The following NUTM2B variants were observed in gnomAD, a reference collection of about 807,000 sequenced individuals.
NUTM2B encodes family with sequence similarity 22, member B.
NUTM2B carries 2 observed loss-of-function variants against 42.4 expected under a neutral mutation model. The observed-to-expected ratio is 0.05, with a 90% CI of 0.02 to 0.15. The LOEUF (loss-of-function observed/expected upper bound fraction) is 0.15. Among genes scored for constraint, NUTM2B ranks in the 10% least tolerant of loss-of-function variants. NUTM2B has a pLI of 1.00. For missense variants in NUTM2B, 58 were observed against 952.6 expected (o/e 0.06, Z 12.36); for synonymous variants, 18 against 402.4 (o/e 0.04, Z 11.43).
At chr10:79,699,684 C>G (rs1378505326), upstream of NUTM2B, among the ~76,000 whole-genome samples, 1 of 152,166 alleles carries the variant, frequency 6.6e-6, no homozygotes, top group Non-Finnish European at 1.5e-5. Context: ...CTCAGGTGAT[C>G]CATCTGCCTC....
upstream of NUTM2B, among the ~76,000 whole-genome samples, chr10:79,702,768 TTTC>T (rs1450778704): frequency 6.7e-6 from 1 of 149,376 alleles, no homozygotes; most frequent in Non-Finnish European, 1.5e-5. Context: ...CTTTGACCAG[TTTC>T]TTCTAATACT....
chr10:79,702,559 T>C (rs1469803133), upstream of NUTM2B, among the ~76,000 whole-genome samples: 2 of 151,326 alleles, frequency 1.3e-5, no homozygotes. Context: ...AGTCCAAATG[T>C]CTTCAAAAGG....
chr10:79,698,855 TTAAC>T (rs200460953), upstream of NUTM2B, among the ~76,000 whole-genome samples: 4,313 of 151,742 alleles, frequency 0.028, 90 homozygotes, highest in Non-Finnish European at 0.043. Context: ...ATACCCGCGA[TTAAC>T]TAACACGCCA....
At chr10:79,702,442 G>A (rs1163713688), upstream of NUTM2B, among the ~76,000 whole-genome samples, 2 of 150,522 alleles carry the variant, frequency 1.3e-5, no homozygotes, top group Admixed American at 6.6e-5. Context: ...CACAACTGGG[G>A]CAGTGGGGGA....
At chr10:79,700,687 G>A (rs4079811), upstream of NUTM2B, among the ~76,000 whole-genome samples, 11 of 152,190 alleles carry the variant, frequency 7.2e-5, no homozygotes, top group South Asian at 1.4e-3. Flanking sequence ...AGCGAAGGCC[G>A]GTGGGTCACC....
the NUTM2B span, among the ~76,000 whole-genome samples, chr10:79,693,398 T>G: frequency 4.4e-4 from 67 of 152,338 alleles, no homozygotes; most frequent in Admixed American, 1.5e-3. Flanking sequence ...AGTCAGAGGC[T>G]TCTAAGGGGC....
chr10:79,694,018 T>G, the NUTM2B span, among the ~76,000 whole-genome samples: 1 of 152,172 alleles, frequency 6.6e-6, no homozygotes, highest in Non-Finnish European at 1.5e-5. Flanking sequence ...GGTCAGCAGG[T>G]GGACACCTCC....
upstream of NUTM2B, among the ~76,000 whole-genome samples, chr10:79,701,562 G>C (rs1199640833): frequency 6.6e-6 from 1 of 151,800 alleles, no homozygotes; most frequent in East Asian, 1.9e-4. Context: ...GCAGTCCCAG[G>C]GCCTCAAGTG....
upstream of NUTM2B, among the ~76,000 whole-genome samples, chr10:79,701,222 C>T (rs1840308369): frequency 2.6e-5 from 4 of 152,174 alleles, no homozygotes; most frequent in Admixed American, 2.6e-4. Context: ...TCTGAAAACA[C>T]ACTCCAAAAT....
upstream of NUTM2B, among the ~76,000 whole-genome samples, chr10:79,700,424 A>G: frequency 6.6e-6 from 1 of 152,236 alleles, no homozygotes; most frequent in Admixed American, 6.5e-5. Flanking sequence ...TTCCCACTGC[A>G]TTGTTACACC....
intron 2 of NUTM2B, among the ~76,000 whole-genome samples, chr10:79,707,312 T>A (rs1172339352): frequency 7.6e-6 from 1 of 131,280 alleles, no homozygotes; most frequent in Non-Finnish European, 1.6e-5. Context: ...AAAGGGACAA[T>A]GATGCTTCAT....
chr10:79,709,707 A>C, intron 3 of NUTM2B, 93 bp from the exon 4 acceptor site: 2 of 537,118 alleles, frequency 3.7e-6, no homozygotes, highest in Non-Finnish European at 6.2e-6. Flanking sequence ...CACCCGAGGC[A>C]CTCCCTCCTA....
At chr10:79,693,456 T>C in the NUTM2B span, among the ~76,000 whole-genome samples, 1 of 152,184 alleles carries the variant, frequency 6.6e-6, no homozygotes, top group African/African-American at 2.4e-5. Context: ...CTTCTGTTCA[T>C]AGAGAGAAGT....
At chr10:79,692,890 A>G in the NUTM2B span, among the ~76,000 whole-genome samples, 2 of 152,180 alleles carry the variant, frequency 1.3e-5, no homozygotes, top group Non-Finnish European at 2.9e-5. Flanking sequence ...ATGGTTGAAT[A>G]AAGTCTTGAT....
the NUTM2B span, among the ~76,000 whole-genome samples, chr10:79,695,699 A>T: frequency 6.6e-6 from 1 of 152,014 alleles, no homozygotes; most frequent in African/African-American, 2.4e-5. Flanking sequence ...CAGGGACATC[A>T]GGACTGAGAG....
chr10:79,693,323 C>T, the NUTM2B span, among the ~76,000 whole-genome samples: 13,155 of 152,216 alleles, frequency 0.086, 920 homozygotes, highest in African/African-American at 0.19. Context: ...TATAGGGCAC[C>T]AGGGCCCAGT....
At chr10:79,705,842 T>G (rs1589262640) in intron 1 of NUTM2B, among the ~76,000 whole-genome samples, 200 bp from the exon 2 acceptor site, 1 of 146,652 alleles carries the variant, frequency 6.8e-6, no homozygotes, top group Non-Finnish European at 1.5e-5. Flanking sequence ...GGTCAGGGAG[T>G]CTTGGTGACC....
chr10:79,710,827 G>C (rs2132258815), intron 5 of NUTM2B, 63 bp downstream of exon 5: 1 of 1,125,196 alleles, frequency 8.9e-7, no homozygotes, highest in South Asian at 1.7e-5. Flanking sequence ...CAGGTCCTTG[G>C]AATTAAGCTC....
upstream of NUTM2B, among the ~76,000 whole-genome samples, chr10:79,700,437 C>G (rs1475273412): frequency 6.6e-6 from 1 of 152,196 alleles, no homozygotes; most frequent in Admixed American, 6.5e-5. Context: ...GTTACACCTC[C>G]CCCCTCACTT....
Sources: allele counts gnomAD v4.1 joint callset (sites outside exome capture counted in the v4.1 genomes callset), GRCh38; gene constraint gnomAD v4.1.1; transcripts MANE v1.5; gene names NCBI Gene and HGNC (gene_info 2026-07-23, HGNC 2026-07-21).